The following WDR59 variants were observed in gnomAD, a reference collection of about 807,000 sequenced individuals.
WDR59 encodes WD repeat domain 59.
In WDR59, 100 loss-of-function variants were observed where a neutral mutation model predicts 131.2. That is an observed-to-expected ratio of 0.76 (90% CI 0.65 to 0.90). The LOEUF is 0.90. WDR59 is among the 40% of genes least tolerant of loss of function. The pLI, the probability that WDR59 is intolerant of heterozygous loss-of-function variation, is 0.00. For missense variants in WDR59, 1,203 were observed against 1,262.2 expected, an observed-to-expected ratio of 0.95 and a Z score of 0.71; for synonymous variants, 601 against 466.2, an observed-to-expected ratio of 1.29 and a Z score of -3.72.
rs58120924 is a variant in WDR59 at position 74,971,426 on chromosome 16, CTTTTTTTTTTTTTT to C, written c.55-5618_55-5605del. ...TCAGTTTTCCTTCCTTCTTTCCTTC[CTTTTTTTTTTTTTT>C]TTTTTTTTTTGAGATGGAGTCTTGC... On this transcript the variant is annotated intron_variant, in intron 1 of 25. Transcript: ENST00000262144. 5.5e-5 allele frequency among the ~76,000 whole-genome samples: 5 copies of C among 90,186 alleles called. No homozygotes were observed. In the East Asian group the frequency reaches 1.3e-3, roughly 24 times the overall value. The allele number at this position is 90,186 out of a possible 152,430, so 59.2% of individuals were successfully genotyped here.
intron 18 of WDR59, among the ~76,000 whole-genome samples, chr16:74,897,128 C>T (rs116080895): frequency 0.017 from 2,531 of 152,342 alleles, 59 homozygotes; most frequent in African/African-American, 0.058. Context: ...TCCAGCGATG[C>T]CTGTCCAGCT....
At chr16:74,963,888 G>A (rs1273371147) in intron 2 of WDR59, among the ~76,000 whole-genome samples, 1 of 151,546 alleles carries the variant, frequency 6.6e-6, no homozygotes, top group Non-Finnish European at 1.5e-5. Flanking sequence ...GTGACAGAGT[G>A]AGACCCTGTC....
chr16:74,913,523 T>C (rs1487865768), intron 13 of WDR59, among the ~76,000 whole-genome samples: 1 of 152,094 alleles, frequency 6.6e-6, no homozygotes, highest in African/African-American at 2.4e-5. Flanking sequence ...ACTCCTGACC[T>C]CCAGTGATCC....
At chr16:74,921,720 G>C (rs536787974) in intron 10 of WDR59, among the ~76,000 whole-genome samples, 1 of 152,336 alleles carries the variant, frequency 6.6e-6, no homozygotes, top group East Asian at 1.9e-4. Context: ...CCAAGCAAGA[G>C]AGACTACGCT....
chr16:74,926,201 A>G (rs1339643738), intron 8 of WDR59, among the ~76,000 whole-genome samples: 1 of 151,798 alleles, frequency 6.6e-6, no homozygotes, highest in East Asian at 1.9e-4. Flanking sequence ...CTGGGATTAC[A>G]GGCACGCACC....
At chr16:74,984,557 G>A (rs2034549693) in intron 1 of WDR59, 1 of 241,808 alleles carries the variant, frequency 4.1e-6, no homozygotes, top group East Asian at 9.4e-5. Context: ...CACCCCAACA[G>A]GGTTACGTCC....
At chr16:74,952,529 T>C (rs1042057876) in intron 3 of WDR59, among the ~76,000 whole-genome samples, 1 of 151,392 alleles carries the variant, frequency 6.6e-6, no homozygotes, top group Non-Finnish European at 1.5e-5. Context: ...TTAACACTCC[T>C]TGAAATAATG....
intron 25 of WDR59, among the ~76,000 whole-genome samples, chr16:74,878,966 A>C (rs1397020589): frequency 6.6e-6 from 1 of 152,218 alleles, no homozygotes; most frequent in Non-Finnish European, 1.5e-5. Flanking sequence ...AACTTAGAGA[A>C]AACATGTCAA....
intron 6 of WDR59, among the ~76,000 whole-genome samples, chr16:74,945,767 T>A (rs556264196): frequency 5.8e-4 from 88 of 151,516 alleles, no homozygotes; most frequent in Admixed American, 1.8e-3. Context: ...CCCGGTACAG[T>A]ACAAGGAGAC....
chr16:74,922,660 G>T (rs916672951), intron 9 of WDR59, among the ~76,000 whole-genome samples: 1 of 152,120 alleles, frequency 6.6e-6, no homozygotes, highest in Non-Finnish European at 1.5e-5. Flanking sequence ...GGTAGCTAAG[G>T]GTTCCATTCA....
chr16:74,908,625 T>G, intron 17 of WDR59: 1 of 324,282 alleles, frequency 3.1e-6, no homozygotes, highest in East Asian at 5.0e-5. Flanking sequence ...ATAAATAATA[T>G]GCTAGCAATA....
intron 17 of WDR59, among the ~76,000 whole-genome samples, chr16:74,907,619 A>G (rs1008015438): frequency 2.0e-5 from 3 of 152,188 alleles, no homozygotes; most frequent in Non-Finnish European, 4.4e-5. Context: ...AGAACGGACT[A>G]ATACAATGTC....
chr16:74,890,860 A>C (rs975094651), intron 20 of WDR59, among the ~76,000 whole-genome samples: 1 of 152,146 alleles, frequency 6.6e-6, no homozygotes, highest in Non-Finnish European at 1.5e-5. Flanking sequence ...TCACGCCTGT[A>C]ATCTCAGCAC....
chr16:74,951,579 G>A (rs757959568), intron 3 of WDR59, 36 bp from the exon 4 acceptor site: 1 of 1,542,408 alleles, frequency 6.5e-7, no homozygotes, highest in East Asian at 2.3e-5. Flanking sequence ...AGGCAAGTAT[G>A]TTGGGATATA....
rs1964100489 is a variant in WDR59, at chr16:74,874,354, CAGAT to C, written c.2776_2779del (p.Ile926ValfsTer13). The C allele has an allele frequency of 6.2e-7, 1 of 1,614,060 alleles. No homozygotes were observed. The highest frequency in any genetic ancestry group is 1.1e-5 in the South Asian group (1 of 91,088). ...GGACGATCCCCGCACAGCCACGTGA[CAGAT>C]GGCACACTGGAACGTGAAGCCTTTG... is the stretch of plus-strand genomic sequence containing the variant. On this transcript the variant is annotated frameshift_variant, in exon 26 of 26. Coordinates refer to ENST00000262144, the MANE Select transcript of WDR59 (RefSeq NM_030581.4). LOFTEE classifies it high-confidence loss of function.
chr16:74,969,774 G>A (rs972403489), intron 1 of WDR59, among the ~76,000 whole-genome samples: 5 of 151,750 alleles, frequency 3.3e-5, no homozygotes, highest in African/African-American at 9.7e-5. Flanking sequence ...TTCCCAGGCT[G>A]GTCTTGAACT....
Position 74,884,949 on chromosome 16 carries a change from C to T in WDR59, c.2689+704G>A, listed in dbSNP as rs913739088. Among the ~76,000 whole-genome samples, 6 of 152,290 alleles carry T rather than the reference C, an allele frequency of 3.9e-5. No homozygotes were observed. The East Asian group carries it at 5.8e-4, about 15-fold the overall frequency. On this transcript the variant is annotated intron_variant, in intron 25 of 25. Coordinates refer to ENST00000262144, the MANE Select transcript of WDR59 (RefSeq NM_030581.4). ...GATTCTCCCTCTCTGTTCTCCCTGC[C>T]CCCACATCGTTTCTGTTTGCTTGCG...
At chr16:74,924,995 C>G (rs2030634216) in intron 8 of WDR59, among the ~76,000 whole-genome samples, 1 of 152,036 alleles carries the variant, frequency 6.6e-6, no homozygotes, top group Non-Finnish European at 1.5e-5. Context: ...CATAACTGCC[C>G]TAGGAAATTG....
chr16:74,947,559 A>G (rs1325836302), intron 6 of WDR59, among the ~76,000 whole-genome samples: 1 of 152,222 alleles, frequency 6.6e-6, no homozygotes, highest in African/African-American at 2.4e-5. Flanking sequence ...TATGGACTTT[A>G]TTTAGATTCT....
Sources: gnomAD v4.1 joint callset for allele counts (sites outside exome capture counted in the v4.1 genomes callset) on GRCh38, gnomAD v4.1.1 for gene constraint, MANE v1.5 for transcripts, NCBI Gene and HGNC (gene_info 2026-07-23, HGNC 2026-07-21) for gene names.